The following SEMA6D variants were observed in gnomAD, a reference collection of about 807,000 sequenced individuals.
SEMA6D encodes the protein semaphorin-6D.
Under a neutral mutation model 106.6 loss-of-function variants are expected in SEMA6D, and 35 were observed. That is an observed-to-expected ratio of 0.33 (90% CI 0.25 to 0.44). SEMA6D has a LOEUF of 0.44. Among genes scored for constraint, SEMA6D ranks in the 20% least tolerant of loss-of-function variants. The probability of loss-of-function intolerance (pLI) is 1.00; values close to 1 mark genes in which losing one functional copy is unlikely to be tolerated. For synonymous variants in SEMA6D, 499 were observed against 487.7 expected (o/e 1.02, Z -0.31); for missense variants, 1,185 against 1,345.9 (o/e 0.88, Z 1.87).
At chr15:47,312,084 G>A (rs112641547) in intron 1 of SEMA6D, among the ~76,000 whole-genome samples, 8 of 152,024 alleles carry the variant, frequency 5.3e-5, no homozygotes, top group African/African-American at 1.9e-4. Context: ...CCAGTGATGG[G>A]CTAAGGTTTA....
In SEMA6D at chr15:47,467,548, C is replaced by A. The variant is rs2042702249; in HGVS notation, c.-158-2926C>A. Among the ~76,000 whole-genome samples, 2 of 152,040 alleles carry A rather than the reference C, an allele frequency of 1.3e-5. 1 individual carries two copies. The highest frequency in any genetic ancestry group is 4.2e-4 in the South Asian group (2 of 4,812). ...GAAACTAACTACTGGAAAATGTTAG[C>A]TAAATGGTAGATTGAGAAGTAGAGG... On this transcript the variant is annotated intron_variant, in intron 2 of 19. Coordinates refer to the SEMA6D transcript ENST00000558014.
At chr15:47,676,798 TG>T (rs1279922245) in intron 4 of SEMA6D, among the ~76,000 whole-genome samples, 2 of 152,190 alleles carry the variant, frequency 1.3e-5, no homozygotes, top group Non-Finnish European at 2.9e-5. Context: ...GTGGGTAGGC[TG>T]GACTCAGAGA....
At chr15:47,337,613 G>A (rs967252792) in intron 1 of SEMA6D, among the ~76,000 whole-genome samples, 2 of 152,182 alleles carry the variant, frequency 1.3e-5, no homozygotes, top group African/African-American at 4.8e-5. Context: ...ACAATGGGCA[G>A]AGAGATATGC....
chr15:47,768,256 G>A (rs947444003), intron 17 of SEMA6D, among the ~76,000 whole-genome samples: 1 of 152,178 alleles, frequency 6.6e-6, no homozygotes, highest in Non-Finnish European at 1.5e-5. Flanking sequence ...TCTCACAAGA[G>A]AAGGAAGAAA....
chr15:47,625,754 G>A (rs1406513050), intron 4 of SEMA6D, among the ~76,000 whole-genome samples: 1 of 151,180 alleles, frequency 6.6e-6, no homozygotes, highest in South Asian at 2.1e-4. Context: ...ACAACAAATA[G>A]GAATGTTTAT....
At chr15:47,568,893 A>T (rs932097410) in intron 3 of SEMA6D, among the ~76,000 whole-genome samples, 1 of 152,010 alleles carries the variant, frequency 6.6e-6, no homozygotes, top group African/African-American at 2.4e-5. Flanking sequence ...AATATTATTA[A>T]TATTATTATT....
chr15:47,597,396 A>G (rs1440589936), intron 3 of SEMA6D, among the ~76,000 whole-genome samples: 4 of 152,096 alleles, frequency 2.6e-5, no homozygotes, highest in Non-Finnish European at 5.9e-5. Flanking sequence ...AATTAGTATT[A>G]TGAAGAGATA....
chr15:47,529,024 G>T (rs2044856824), intron 3 of SEMA6D, among the ~76,000 whole-genome samples: 1 of 151,848 alleles, frequency 6.6e-6, no homozygotes, highest in African/African-American at 2.4e-5. Flanking sequence ...AAATAATAAG[G>T]GTGAGAAAAT....
intron 2 of SEMA6D, among the ~76,000 whole-genome samples, chr15:47,425,710 A>T: frequency 6.9e-6 from 1 of 144,022 alleles, no homozygotes; most frequent in African/African-American, 2.6e-5. Context: ...TCACTCTGTT[A>T]CCCGGGCTGG....
At chr15:47,297,479 T>C (rs1035934958) in intron 1 of SEMA6D, among the ~76,000 whole-genome samples, 5 of 152,174 alleles carry the variant, frequency 3.3e-5, no homozygotes, top group East Asian at 1.9e-4. Context: ...AAAGAGATCA[T>C]GAGCATAATT....
chr15:47,234,850 T>C (rs762288528), intron 1 of SEMA6D, among the ~76,000 whole-genome samples: 3 of 152,120 alleles, frequency 2.0e-5, no homozygotes, highest in Non-Finnish European at 2.9e-5. Flanking sequence ...TTATTTTCCT[T>C]TGGGTAGATA....
chr15:47,654,414 TTATAA>T (rs1400670273), intron 4 of SEMA6D, among the ~76,000 whole-genome samples: 1 of 152,224 alleles, frequency 6.6e-6, no homozygotes, highest in Non-Finnish European at 1.5e-5. Context: ...TAGTGTATTC[TTATAA>T]TAAAGGAAGC....
intron 15 of SEMA6D, 95 bp from the exon 16 acceptor site, chr15:47,766,521 A>T: frequency 9.6e-7 from 1 of 1,045,978 alleles, no homozygotes; most frequent in Non-Finnish European, 1.5e-6. Context: ...GCCCATTCTT[A>T]CTAATCAGTC....
intron 1 of SEMA6D, among the ~76,000 whole-genome samples, chr15:47,410,907 T>A (rs138187015): frequency 6.6e-6 from 1 of 152,162 alleles, no homozygotes; most frequent in Non-Finnish European, 1.5e-5. Flanking sequence ...AATGCAAGAT[T>A]CAGACCATAA....
intron 1 of SEMA6D, among the ~76,000 whole-genome samples, chr15:47,332,108 T>G (rs1453873936): frequency 6.6e-6 from 1 of 152,224 alleles, no homozygotes; most frequent in East Asian, 1.9e-4. Flanking sequence ...TTTACTTATC[T>G]GAAGAATGAG....
intron 1 of SEMA6D, among the ~76,000 whole-genome samples, chr15:47,384,817 T>TTTTTGG (rs780258385): frequency 1.6e-5 from 1 of 62,304 alleles, no homozygotes; most frequent in East Asian, 3.5e-4. Context: ...TACTAAAGTT[T>TTTTTGG]TTTTTTTTTT....
At chr15:47,509,067 C>G (rs2044142223) in intron 3 of SEMA6D, among the ~76,000 whole-genome samples, 1 of 151,894 alleles carries the variant, frequency 6.6e-6, no homozygotes, top group Non-Finnish European at 1.5e-5. Flanking sequence ...CAGTTTTATT[C>G]TGGACACCTC....
rs1422299268 is a variant in SEMA6D at position 47,771,376 on chromosome 15, G to A, written c.2813G>A (p.Arg938Lys). 1.2e-6 allele frequency: 2 copies of A among 1,613,962 alleles called. No individual in the cohort carries two copies. ...TACTCCCCTCCTTCAACTCTCCCCA[G>A]AAATAGCCCAACCAAGCGAGTGGAT... ...SLYSPPSTLP[R>K]NSPTKRVDVP... Residue 938 changes from arginine (R) to lysine (K), a missense_variant, in exon 19 of 19, where the codon AGA (arginine) becomes AAA (lysine). Around this residue, in one of 3 missense-constraint regions of SEMA6D, gnomAD observed 750 missense variants for 783.5 expected, o/e 0.96. Transcript: ENST00000536845.
At chr15:47,227,444 T>TTCTTTCTTTCTTTCTTTCTTTCTC in intron 1 of SEMA6D, among the ~76,000 whole-genome samples, 1 of 136,402 alleles carries the variant, frequency 7.3e-6, no homozygotes, top group Admixed American at 7.5e-5. Context: ...TTTCTTTTCT[T>TTCTTTCTTTCTTTCTTTCTTTCTC]TCTTTTCTTT....
Sources: gnomAD v4.1 joint callset for allele counts (sites outside exome capture counted in the v4.1 genomes callset) on GRCh38, gnomAD v4.1.1 for gene constraint, gnomAD v4.1.1 regional missense constraint, MANE v1.5 for transcripts, NCBI Gene and HGNC (gene_info 2026-07-23, HGNC 2026-07-21) for gene names.